The following ARHGAP22 variants were observed in gnomAD, a reference collection of about 807,000 sequenced individuals.
ARHGAP22 encodes Rho GTPase activating protein 22, also known as rho GTPase-activating protein 22.
A neutral mutation model predicts 59.1 loss-of-function variants in ARHGAP22; 48 were observed. The ratio of observed to expected loss-of-function variants is 0.81; its 90% CI spans 0.64 to 1.03. The LOEUF is 1.03. Ranked by LOEUF, ARHGAP22 falls within the 50% of genes least tolerant of loss-of-function variation. The pLI is 0.00. For missense variants in ARHGAP22, 1,015 were observed against 958.7 expected (o/e 1.06, Z -0.78); for synonymous variants, 445 against 416.4 (o/e 1.07, Z -0.84).
At chr10:48,584,285 TA>T (rs1024030392) in intron 1 of ARHGAP22, among the ~76,000 whole-genome samples, 1 of 152,254 alleles carries the variant, frequency 6.6e-6, no homozygotes, top group Non-Finnish European at 1.5e-5. Context: ...TGCAGTTCTC[TA>T]AGCCTGGCCT....
At chr10:48,435,063 G>T in the ARHGAP22 span, 1 of 1,425,548 alleles carries the variant, frequency 7.0e-7, no homozygotes. Context: ...GAGGGATGGG[G>T]AGTCGGTTAG....
At position 48,450,388 on chromosome 10, in the gene ARHGAP22, C is replaced by A; in HGVS notation, c.1741G>T (p.Glu581Ter). ...GTGGGGCTGTCCGGCTCGCTGGGCT[C>A]GCTGTTGCTGGCACCCGCGCCCGCC... The part of the protein sequence containing the change: ...DEAGAGASNS[E>*]PSEPDSPTRE... The change falls in exon 9 of 10, where the codon GAG (glutamate) becomes TAG (stop). Residue 581 changes from glutamate to a stop codon, truncating the protein, a stop_gained. Coordinates refer to ENST00000249601, the MANE Select transcript of ARHGAP22 (RefSeq NM_021226.4). LOFTEE classifies it high-confidence loss of function. 1 of 1,575,144 alleles carries A rather than the reference C, an allele frequency of 6.3e-7. No individual in the cohort carries two copies. The highest frequency in any genetic ancestry group is 2.4e-5 in the East Asian group (1 of 42,372).
rs1439197355 is a variant in ARHGAP22 at position 48,583,136 on chromosome 10, T to G, written c.51A>C (p.Leu17=). The change falls in exon 2 of 10, where the codon CTA becomes CTC. Residue 17 remains leucine, a synonymous_variant. Coordinates refer to ENST00000249601, the MANE Select transcript of ARHGAP22 (RefSeq NM_021226.4). ...RQARRARSKS[L]VMGEQSRSPG... is the part of the protein sequence containing the mutation. Reference sequence around the variant, plus strand: ...GGCTCCGGCTCTGCTCCCCCATCACTAGGCTTTTGGAGCGGGCTGAAAGCC... The same window carrying G: ...GGCTCCGGCTCTGCTCCCCCATCACGAGGCTTTTGGAGCGGGCTGAAAGCC... 2 of 1,614,092 alleles carry G rather than the reference T, an allele frequency of 1.2e-6. No homozygotes were observed. The highest frequency in any genetic ancestry group is 2.2e-5 in the South Asian group (2 of 91,078).
chr10:48,517,090 G>A (rs1006473747), intron 3 of ARHGAP22, among the ~76,000 whole-genome samples: 4 of 152,188 alleles, frequency 2.6e-5, no homozygotes, highest in Non-Finnish European at 5.9e-5. Flanking sequence ...GGTTGTTTCT[G>A]GAATGAGACA....
chr10:48,465,313 GCGTTCCCCTGGCAAAGC>G (rs1354915883), intron 4 of ARHGAP22, among the ~76,000 whole-genome samples: 2 of 152,198 alleles, frequency 1.3e-5, no homozygotes, highest in Admixed American at 1.3e-4. Flanking sequence ...TCCCCCGCCA[GCGTTCCCCTGGCAAAGC>G]CGTCCCTCAC....
chr10:48,592,275 A>G (rs2059805778), intron 1 of ARHGAP22, among the ~76,000 whole-genome samples: 1 of 152,052 alleles, frequency 6.6e-6, no homozygotes, highest in South Asian at 2.1e-4. Context: ...CAGCTTCCCA[A>G]GTGGTGGGGC....
intron 3 of ARHGAP22, among the ~76,000 whole-genome samples, chr10:48,525,399 C>T (rs1266657717): frequency 6.6e-6 from 1 of 152,126 alleles, no homozygotes; most frequent in African/African-American, 2.4e-5. Flanking sequence ...ATGGCAAAAC[C>T]CCTTCTCTAC....
intron 4 of ARHGAP22, among the ~76,000 whole-genome samples, chr10:48,478,254 T>C (rs2048928269): frequency 6.6e-6 from 1 of 152,176 alleles, no homozygotes; most frequent in Non-Finnish European, 1.5e-5. Context: ...CTAAGTCAAA[T>C]GTGCTGCAAC....
At chr10:48,588,423 G>A (rs1164434238) in intron 1 of ARHGAP22, among the ~76,000 whole-genome samples, 1 of 152,198 alleles carries the variant, frequency 6.6e-6, no homozygotes, top group Non-Finnish European at 1.5e-5. Context: ...AATAATCATT[G>A]CTATGATTTA....
intron 4 of ARHGAP22, among the ~76,000 whole-genome samples, chr10:48,465,381 C>T (rs1016312973): frequency 6.6e-5 from 10 of 152,380 alleles, no homozygotes; most frequent in African/African-American, 2.2e-4. Flanking sequence ...GAAGCCCAGG[C>T]AGAGCAGTCC....
chr10:48,601,676 C>T (rs894419089), intron 1 of ARHGAP22, among the ~76,000 whole-genome samples: 3 of 152,112 alleles, frequency 2.0e-5, no homozygotes, highest in South Asian at 2.1e-4. Flanking sequence ...TTATTAGCAC[C>T]GTTTAATTGC....
chr10:48,637,888 A>G (rs1395053792), intron 1 of ARHGAP22, among the ~76,000 whole-genome samples: 1 of 152,072 alleles, frequency 6.6e-6, no homozygotes, highest in African/African-American at 2.4e-5. Context: ...GCATCAACTT[A>G]CCTTCTTTCT....
chr10:48,526,719 T>C (rs2054357913), intron 3 of ARHGAP22, among the ~76,000 whole-genome samples: 2 of 152,234 alleles, frequency 1.3e-5, no homozygotes, highest in South Asian at 4.1e-4. Context: ...CTTGTTTATC[T>C]TTCTGAGAGG....
intron 3 of ARHGAP22, among the ~76,000 whole-genome samples, chr10:48,486,136 G>A (rs1229663437): frequency 1.3e-5 from 2 of 151,898 alleles, no homozygotes; most frequent in African/African-American, 4.8e-5. Flanking sequence ...TTGCTTTAGG[G>A]TTTATGGTAT....
chr10:48,529,583 G>A (rs2054630586), intron 3 of ARHGAP22, among the ~76,000 whole-genome samples: 1 of 152,178 alleles, frequency 6.6e-6, no homozygotes, highest in South Asian at 2.1e-4. Flanking sequence ...GTCCAAGCCA[G>A]CAACCACACT....
At chr10:48,639,154 G>T (rs1435874956) in intron 1 of ARHGAP22, among the ~76,000 whole-genome samples, 1 of 152,212 alleles carries the variant, frequency 6.6e-6, no homozygotes, top group Non-Finnish European at 1.5e-5. Flanking sequence ...GTGGGGCATT[G>T]TCATGGGGAG....
chr10:48,564,618 C>T (rs1034463636), intron 2 of ARHGAP22, among the ~76,000 whole-genome samples: 7 of 152,226 alleles, frequency 4.6e-5, no homozygotes, highest in South Asian at 2.1e-4. Context: ...GCCCTACTCA[C>T]GGGCTGCTGC....
At chr10:48,548,140 G>A (rs1041698716) in intron 3 of ARHGAP22, among the ~76,000 whole-genome samples, 2 of 152,144 alleles carry the variant, frequency 1.3e-5, no homozygotes, top group African/African-American at 4.8e-5. Flanking sequence ...AGAGCCAGGC[G>A]AGATTCAACC....
chr10:48,625,876 A>G (rs1296646184), intron 1 of ARHGAP22, among the ~76,000 whole-genome samples: 1 of 152,156 alleles, frequency 6.6e-6, no homozygotes, highest in African/African-American at 2.4e-5. Flanking sequence ...GACCCTAGCA[A>G]AGGAGTGTGT....
Sources: allele counts gnomAD v4.1 joint callset (sites outside exome capture counted in the v4.1 genomes callset), GRCh38; gene constraint gnomAD v4.1.1; transcripts MANE v1.5; gene names NCBI Gene and HGNC (gene_info 2026-07-23, HGNC 2026-07-21).